The following KAZN variants were observed in gnomAD, a reference collection of about 807,000 sequenced individuals.
KAZN encodes kazrin, periplakin interacting protein.
Under a neutral mutation model 87.4 loss-of-function variants are expected in KAZN, and 40 were observed. That is an observed-to-expected ratio of 0.46 (90% CI 0.36 to 0.60). The LOEUF (loss-of-function observed/expected upper bound fraction) is 0.60. Among genes scored for constraint, KAZN ranks in the 20% least tolerant of loss-of-function variants. The pLI, the probability that KAZN is intolerant of heterozygous loss-of-function variation, is 0.00. For missense variants in KAZN, 898 were observed against 1,073.9 expected (o/e 0.84, Z 2.29); for synonymous variants, 466 against 458.3 (o/e 1.02, Z -0.22).
intron 2 of KAZN, among the ~76,000 whole-genome samples, chr1:14,990,514 G>T (rs1196651227): frequency 3.9e-5 from 6 of 152,116 alleles, no homozygotes; most frequent in Admixed American, 3.3e-4. Context: ...ATGAGCCACC[G>T]CACCCAGCCT....
intron 10 of KAZN, 81 bp from the exon 11 acceptor site, chr1:15,101,462 A>G: frequency 1.1e-6 from 1 of 909,554 alleles, no homozygotes; most frequent in Non-Finnish European, 1.7e-6. Flanking sequence ...CTCTCTCTGC[A>G]TCTCCACCCA....
chr1:14,080,485 G>A (rs983636294), intron 1 of KAZN, among the ~76,000 whole-genome samples: 5 of 142,530 alleles, frequency 3.5e-5, no homozygotes, highest in African/African-American at 1.3e-4. Flanking sequence ...AAAGGGGGTG[G>A]GTAGAGAGAG....
intron 2 of KAZN, among the ~76,000 whole-genome samples, chr1:14,516,253 A>T (rs1671292214): frequency 6.6e-6 from 1 of 152,154 alleles, no homozygotes; most frequent in African/African-American, 2.4e-5. Context: ...CTCTCTCATG[A>T]TCTCTCTGCC....
In KAZN at chr1:14,982,038, G is replaced by A. The variant is rs144889414; in HGVS notation, c.418+21163G>A. On this transcript the variant is annotated intron_variant, in intron 2 of 14. Transcript: ENST00000376030. The stretch of plus-strand genomic sequence containing the variant: ...CCCTGCATGGAGTTAACGTTTGCCT[G>A]GAGAGCCTGTGTGCCAGGCTGTCTG... Among the ~76,000 whole-genome samples the A allele has an allele frequency of 5.1e-3, 780 of 152,262 alleles. 12 individuals are homozygous for A. Among genetic ancestry groups the A allele is most frequent in the African/African-American group, 0.017 (721 of 41,540 alleles).
At chr1:14,835,336 A>G (rs1311689266) in intron 1 of KAZN, among the ~76,000 whole-genome samples, 2 of 152,222 alleles carry the variant, frequency 1.3e-5, no homozygotes, top group Non-Finnish European at 2.9e-5. Flanking sequence ...ACCGCAGAGC[A>G]AATTCAAAAA....
At chr1:14,625,991 G>A (rs565109028) in intron 1 of KAZN, among the ~76,000 whole-genome samples, 4 of 152,262 alleles carry the variant, frequency 2.6e-5, no homozygotes, top group East Asian at 3.9e-4. Context: ...TTGATATGTC[G>A]TGCAGATTTA....
intron 2 of KAZN, among the ~76,000 whole-genome samples, chr1:14,307,466 T>C (rs1462223060): frequency 6.6e-6 from 1 of 152,226 alleles, no homozygotes; most frequent in Non-Finnish European, 1.5e-5. Context: ...TCTACACCTA[T>C]GCTACAACTC....
At chr1:14,203,455 T>C (rs1476520130) in intron 2 of KAZN, among the ~76,000 whole-genome samples, 1 of 152,198 alleles carries the variant, frequency 6.6e-6, no homozygotes, top group Non-Finnish European at 1.5e-5. Context: ...ATTGTATTAA[T>C]TACTCACTTC....
At chr1:14,378,257 C>A (rs1661074006) in intron 2 of KAZN, among the ~76,000 whole-genome samples, 1 of 152,080 alleles carries the variant, frequency 6.6e-6, no homozygotes, top group Admixed American at 6.6e-5. Context: ...ATTATTAATT[C>A]TTACTATCAA....
intron 2 of KAZN, among the ~76,000 whole-genome samples, chr1:14,379,501 G>A (rs150934822): frequency 3.3e-5 from 5 of 152,272 alleles, no homozygotes; most frequent in African/African-American, 4.8e-5. Context: ...CTGGGGCAGA[G>A]GAGAGACCAC....
chr1:14,774,087 T>TA (rs1645102196), intron 1 of KAZN, among the ~76,000 whole-genome samples: 1 of 152,230 alleles, frequency 6.6e-6, no homozygotes, highest in African/African-American at 2.4e-5. Flanking sequence ...CCACATGCTT[T>TA]CTTTTCCAGC....
At chr1:14,410,925 G>A (rs542493467) in intron 2 of KAZN, among the ~76,000 whole-genome samples, 4 of 152,156 alleles carry the variant, frequency 2.6e-5, no homozygotes, top group Non-Finnish European at 5.9e-5. Flanking sequence ...GTGGACTTCT[G>A]GCCTCCAGAA....
chr1:14,387,769 T>C (rs1230206147), intron 2 of KAZN, among the ~76,000 whole-genome samples: 1 of 151,934 alleles, frequency 6.6e-6, no homozygotes, highest in Non-Finnish European at 1.5e-5. Context: ...GTCTTTTTGT[T>C]TGTCTGTGCC....
In KAZN at chr1:14,180,765, G is replaced by T. The variant is rs180946692; in HGVS notation, c.249+173G>T. On this transcript the variant is annotated intron_variant, in intron 2 of 16. Coordinates refer to the KAZN transcript ENST00000636203. ...CTGATTAGATCTTATTTGGAATTTA[G>T]TATTAAAATAGCTTTTTAAAAAGTC... Among the ~76,000 whole-genome samples, 3 of 152,250 alleles carry T rather than the reference G, an allele frequency of 2.0e-5. No individual in the cohort carries two copies. In the East Asian group the frequency reaches 5.8e-4, roughly 29 times the overall value.
At chr1:14,625,656 A>C (rs999837948) in intron 1 of KAZN, among the ~76,000 whole-genome samples, 1 of 152,248 alleles carries the variant, frequency 6.6e-6, no homozygotes, top group South Asian at 2.1e-4. Flanking sequence ...GCGTTACTTT[A>C]AAATGTAATT....
At chr1:14,771,583 TG>T (rs1324273089) in intron 1 of KAZN, among the ~76,000 whole-genome samples, 1 of 152,106 alleles carries the variant, frequency 6.6e-6, no homozygotes, top group Non-Finnish European at 1.5e-5. Context: ...CCCAGCACTT[TG>T]GGAGGCCAAG....
chr1:14,002,624 T>C (rs529596593), intron 1 of KAZN, among the ~76,000 whole-genome samples: 18 of 152,214 alleles, frequency 1.2e-4, no homozygotes, highest in Admixed American at 3.3e-4. Flanking sequence ...CACTCATCAT[T>C]TGAGAAATGC....
rs112094074 is a variant in KAZN, at chr1:14,268,953, C to A, written c.249+88361C>A. On this transcript the variant is annotated intron_variant, in intron 2 of 16. Transcript: ENST00000636203. ...CTTGCGGTCATTAATGTGCTGGGAG[C>A]AAATGAAAGTTTTTAATGTCTTTCA... 3.8e-3 allele frequency among the ~76,000 whole-genome samples: 577 copies of A among 152,278 alleles called. 8 individuals are homozygous for A. Among genetic ancestry groups the A allele is most frequent in the African/African-American group, 0.013 (540 of 41,556 alleles).
chr1:14,379,375 G>C (rs1661179161), intron 2 of KAZN, among the ~76,000 whole-genome samples: 1 of 151,990 alleles, frequency 6.6e-6, no homozygotes, highest in South Asian at 2.1e-4. Context: ...AAAGTAAACA[G>C]GACTTTGTTT....
Sources: allele counts gnomAD v4.1 joint callset (sites outside exome capture counted in the v4.1 genomes callset), GRCh38; gene constraint gnomAD v4.1.1; transcripts MANE v1.5; gene names NCBI Gene and HGNC (gene_info 2026-07-23, HGNC 2026-07-21).